Variants in FAM81A observed in about 807,000 individuals in gnomAD.
FAM81A encodes protein FAM81A.
FAM81A carries 19 observed loss-of-function variants against 46.7 expected under a neutral mutation model. The ratio of observed to expected loss-of-function variants is 0.41; its 90% CI spans 0.28 to 0.60. The LOEUF is 0.60. Among genes scored for constraint, FAM81A ranks in the 20% least tolerant of loss-of-function variants. The probability of loss-of-function intolerance (pLI) is 0.34; values close to 1 mark genes in which losing one functional copy is unlikely to be tolerated. For missense variants in FAM81A, 377 were observed against 453.5 expected (o/e 0.83, Z 1.53); for synonymous variants, 183 against 152.9 (o/e 1.20, Z -1.45).
At chr15:59,464,576 G>A (rs1315315717) in intron 3 of FAM81A, among the ~76,000 whole-genome samples, 1 of 152,030 alleles carries the variant, frequency 6.6e-6, no homozygotes, top group Non-Finnish European at 1.5e-5. Flanking sequence ...TAGTGATATT[G>A]GGCCTTTTTT....
chr15:59,448,393 A>C (rs1012279388), intron 1 of FAM81A, among the ~76,000 whole-genome samples: 19 of 152,166 alleles, frequency 1.2e-4, no homozygotes, highest in African/African-American at 4.3e-4. Context: ...AAGAAATTGC[A>C]GTGTCCTTTA....
chr15:59,450,171 T>C (rs955369325), intron 1 of FAM81A, among the ~76,000 whole-genome samples: 3 of 149,590 alleles, frequency 2.0e-5, no homozygotes, highest in African/African-American at 7.4e-5. Flanking sequence ...GTTCAAGCCA[T>C]CTGCCGCCTC....
At chr15:59,406,798 C>G (rs2081096718) in intron 2 of FAM81A, among the ~76,000 whole-genome samples, 1 of 151,548 alleles carries the variant, frequency 6.6e-6, no homozygotes. Flanking sequence ...CAGCTCAGTT[C>G]TCAACATTCA....
chr15:59,515,024 C>T (rs1275620174), intron 7 of FAM81A, among the ~76,000 whole-genome samples: 5 of 152,116 alleles, frequency 3.3e-5, no homozygotes, highest in African/African-American at 7.2e-5. Context: ...GCGGGAGGAT[C>T]GCTTGAGCCC....
At chr15:59,442,618 C>CAAAAAAAAAAA (rs1196305104) in intron 1 of FAM81A, among the ~76,000 whole-genome samples, 23 of 76,640 alleles carry the variant, frequency 3.0e-4, no homozygotes, top group East Asian at 3.5e-4. Flanking sequence ...CTCCGTCTCT[C>CAAAAAAAAAAA]AAAAAAAAAA....
At chr15:59,491,550 TAAAC>T (rs1272042744) in intron 3 of FAM81A, among the ~76,000 whole-genome samples, 2 of 152,218 alleles carry the variant, frequency 1.3e-5, no homozygotes, top group Non-Finnish European at 2.9e-5. Flanking sequence ...ATTGTACATG[TAAAC>T]ATAACTAAAA....
intron 4 of FAM81A, among the ~76,000 whole-genome samples, chr15:59,502,820 G>C (rs931120676): frequency 6.6e-6 from 1 of 151,858 alleles, no homozygotes; most frequent in East Asian, 1.9e-4. Flanking sequence ...CGCGCCAGCC[G>C]TGTTTTCTAA....
At chr15:59,476,689 C>T (rs2141697143) in intron 3 of FAM81A, among the ~76,000 whole-genome samples, 1 of 151,958 alleles carries the variant, frequency 6.6e-6, no homozygotes, top group South Asian at 2.1e-4. Flanking sequence ...ACTTGGGAGG[C>T]TGAGGAAGGA....
At chr15:59,410,907 C>T (rs758347016) in intron 2 of FAM81A, among the ~76,000 whole-genome samples, 33 of 152,210 alleles carry the variant, frequency 2.2e-4, no homozygotes, top group Admixed American at 7.9e-4. Flanking sequence ...TGCGTCACCA[C>T]ACCCAGCTAA....
At chr15:59,504,219 A>T (rs2082126240) in intron 4 of FAM81A, among the ~76,000 whole-genome samples, 1 of 152,238 alleles carries the variant, frequency 6.6e-6, no homozygotes, top group Admixed American at 6.5e-5. Context: ...TGAACTCAAA[A>T]TAAAAAATCA....
rs56085471 is a variant in FAM81A at position 59,421,706 on chromosome 15, ACTAT to A, written c.-78+19355_-78+19358del. ...CCTTGGGGACAGATTAAACCCTTAA[ACTAT>A]CTATCTGTCTGTCTGTCTGTCTATC... On this transcript the variant is annotated intron_variant, in intron 2 of 4. Transcript: ENST00000558348. 6.8e-4 allele frequency among the ~76,000 whole-genome samples: 102 copies of A among 150,046 alleles called. No individual in the cohort carries two copies. The South Asian group carries it at 8.0e-3, about 12-fold the overall frequency.
chr15:59,489,224 C>T (rs2081954640), intron 3 of FAM81A, among the ~76,000 whole-genome samples: 1 of 152,042 alleles, frequency 6.6e-6, no homozygotes, highest in South Asian at 2.1e-4. Flanking sequence ...GAGATTGCGC[C>T]ACTGCACTCT....
Position 59,405,268 on chromosome 15 carries a change from G to T in FAM81A, c.-78+2910G>T, listed in dbSNP as rs368735247. Among the ~76,000 whole-genome samples the T allele has an allele frequency of 4.7e-4, 72 of 152,304 alleles. 1 individual carries two copies. The South Asian group carries it at 0.014, about 29-fold the overall frequency. The stretch of plus-strand genomic sequence containing the variant: ...AGGAATTTGGTAATGTATGTGGGAT[G>T]AATGAATGAACAGGCCTGCCAAGAA... On this transcript the variant is annotated intron_variant, in intron 2 of 4. Transcript: ENST00000558348.
At chr15:59,437,565 G>A (rs2081251929), upstream of FAM81A, among the ~76,000 whole-genome samples, 1 of 152,142 alleles carries the variant, frequency 6.6e-6, no homozygotes, top group African/African-American at 2.4e-5. Flanking sequence ...CTGCTGCGAT[G>A]AGACACGATC....
At chr15:59,511,283 A>T (rs2082205399) in intron 6 of FAM81A, among the ~76,000 whole-genome samples, 2 of 152,226 alleles carry the variant, frequency 1.3e-5, no homozygotes, top group East Asian at 3.8e-4. Context: ...CTAAATGAGG[A>T]GGAAGATTTC....
Position 59,508,851 on chromosome 15 carries a change from T to C in FAM81A, c.544-12T>C, listed in dbSNP as rs182707407. 3.7e-6 allele frequency: 6 copies of C among 1,605,284 alleles called. No homozygotes were observed. In the African/African-American group the frequency reaches 6.7e-5, roughly 18 times the overall value. On this transcript the variant is annotated splice_polypyrimidine_tract_variant and intron_variant, in intron 5 of 8. Transcript: ENST00000288228. Reference sequence around the variant, plus strand: ...TTAGATGTGATATTTATAAGCAAGATTTCTTTTCCAGATTTCTCAGCTTTT... The same window carrying C: ...TTAGATGTGATATTTATAAGCAAGACTTCTTTTCCAGATTTCTCAGCTTTT...
intron 2 of FAM81A, among the ~76,000 whole-genome samples, chr15:59,402,761 C>T (rs1373283549): frequency 1.3e-5 from 2 of 152,008 alleles, no homozygotes; most frequent in Non-Finnish European, 1.5e-5. Context: ...ACCATGTTAG[C>T]CAGGCTGGTC....
intron 2 of FAM81A, among the ~76,000 whole-genome samples, chr15:59,422,328 A>C (rs1157489195): frequency 6.6e-6 from 1 of 152,110 alleles, no homozygotes; most frequent in African/African-American, 2.4e-5. Context: ...TTCGAGGCTG[A>C]AGTGAGCTAT....
intron 3 of FAM81A, among the ~76,000 whole-genome samples, chr15:59,473,810 C>T (rs187626898): frequency 6.6e-6 from 1 of 152,182 alleles, no homozygotes; most frequent in African/African-American, 2.4e-5. Context: ...TTGGTAGCTG[C>T]CACGTACTAC....
Sources: allele counts gnomAD v4.1 joint callset (sites outside exome capture counted in the v4.1 genomes callset), GRCh38; gene constraint gnomAD v4.1.1; transcripts MANE v1.5; gene names NCBI Gene and HGNC (gene_info 2026-07-23, HGNC 2026-07-21).